DNAH3: variants seen among roughly 807,000 people sequenced by gnomAD.
DNAH3 encodes the protein dynein axonemal heavy chain 3.
DNAH3 carries 332 observed loss-of-function variants against 432.5 expected under a neutral mutation model. That is an observed-to-expected ratio of 0.77 (90% CI 0.70 to 0.84). The LOEUF (loss-of-function observed/expected upper bound fraction) is 0.84, where lower values mean the gene tolerates loss of function less well. DNAH3 is among the 40% of genes least tolerant of loss of function. DNAH3 has a pLI of 0.00. For missense variants in DNAH3, 4,861 were observed against 5,114.0 expected (o/e 0.95, Z 1.51); for synonymous variants, 1,956 against 1,900.2 (o/e 1.03, Z -0.76).
At chr16:21,067,772 G>GGAGGGAGA in intron 23 of DNAH3, among the ~76,000 whole-genome samples, 1 of 23,718 alleles carries the variant, frequency 4.2e-5, no homozygotes, top group South Asian at 2.3e-3. Flanking sequence ...GGGGGGGTGG[G>GGAGGGAGA]GAGGGAGAGA....
At chr16:21,065,621 T>C (rs573350784) in intron 24 of DNAH3, among the ~76,000 whole-genome samples, 82 of 152,292 alleles carry the variant, frequency 5.4e-4, no homozygotes, top group Middle Eastern at 3.4e-3. Flanking sequence ...ATTAGCCCCA[T>C]GTGGCTATTT....
chr16:21,062,187 C>A (rs2090382496), intron 25 of DNAH3, among the ~76,000 whole-genome samples: 4 of 152,206 alleles, frequency 2.6e-5, no homozygotes, highest in Non-Finnish European at 5.9e-5. Context: ...ACATGGAAAT[C>A]TAAACAGCAT....
intron 59 of DNAH3, among the ~76,000 whole-genome samples, chr16:20,938,235 T>C (rs910717056): frequency 1.3e-5 from 2 of 151,946 alleles, no homozygotes; most frequent in African/African-American, 2.4e-5. Context: ...GTACTAAAAA[T>C]ACAAAATTAG....
intron 26 of DNAH3, among the ~76,000 whole-genome samples, chr16:21,058,633 G>T (rs555885687): frequency 6.6e-6 from 1 of 152,066 alleles, no homozygotes; most frequent in Non-Finnish European, 1.5e-5. Flanking sequence ...CATAAATAAA[G>T]TTGTATTGAA....
exon 62 of DNAH3, chr16:20,933,242 T>G (rs757256186): frequency 6.2e-7 from 1 of 1,614,164 alleles, no homozygotes; most frequent in Non-Finnish European, 8.5e-7. Context: ...GGAGAGGACA[T>G]AGTTGGTAGA....
rs553981980 is a variant in DNAH3, at chr16:21,145,666, T to C, written c.223-260A>G. 6.6e-5 allele frequency among the ~76,000 whole-genome samples: 10 copies of C among 152,338 alleles called. No individual in the cohort carries two copies. The South Asian group carries it at 2.1e-3, about 32-fold the overall frequency. On this transcript the variant is annotated intron_variant, in intron 2 of 61. Coordinates refer to ENST00000261383, the Ensembl canonical transcript of DNAH3. ...GGTAATTGACATCTCTGGTCTTTAT[T>C]CCTTATGGACATGACTACAAGGTAC...
At chr16:21,019,955 G>C (rs2088074480) in intron 40 of DNAH3, 86 bp from the exon 41 acceptor site, 1 of 1,522,048 alleles carries the variant, frequency 6.6e-7, no homozygotes, top group Non-Finnish European at 8.9e-7. Context: ...TGCCTTTGAA[G>C]GGTCTGGGCC....
At chr16:20,950,888 T>C (rs548568934) in intron 56 of DNAH3, among the ~76,000 whole-genome samples, 1 of 152,256 alleles carries the variant, frequency 6.6e-6, no homozygotes, top group African/African-American at 2.4e-5. Context: ...AGTGGTGTGA[T>C]CATAGCTCAC....
Position 21,141,191 on chromosome 16 carries a change from T to C in DNAH3, c.521+109A>G, listed in dbSNP as rs1317157338. ...AGTGATTCGTGGATAAGAATATGAT[T>C]ATCTGGGAATGCTTTGAAGCCAAGA... is the stretch of plus-strand genomic sequence containing the variant. On this transcript the variant is annotated intron_variant, in intron 4 of 61. Transcript: ENST00000261383. The C allele has an allele frequency of 5.0e-6, 4 of 807,760 alleles. No homozygotes were observed. In the East Asian group the frequency reaches 1.1e-4, roughly 22 times the overall value. 50.0% of individuals were successfully genotyped at this position (807,760 alleles called of 1,614,324 possible).
intron 27 of DNAH3, 107 bp downstream of exon 27, chr16:21,057,979 A>G (rs2090193832): frequency 1.3e-6 from 1 of 755,914 alleles, no homozygotes; most frequent in Non-Finnish European, 2.4e-6. Flanking sequence ...TGCTGAGACC[A>G]AATGATTTTT....
chr16:20,936,690 C>A (rs773318051), exon 60 of DNAH3: 2 of 1,606,862 alleles, frequency 1.2e-6, no homozygotes, highest in Non-Finnish European at 1.7e-6. Flanking sequence ...GCCACGTAGC[C>A]CCCCAGAGGC....
intron 16 of DNAH3, among the ~76,000 whole-genome samples, chr16:21,102,407 G>GA (rs1481504613): frequency 6.6e-6 from 1 of 152,166 alleles, no homozygotes; most frequent in African/African-American, 2.4e-5. Context: ...TGATGCCTTG[G>GA]AAGTTGAGAA....
intron 59 of DNAH3, 127 bp downstream of exon 59, chr16:20,941,274 T>C: frequency 1.8e-6 from 2 of 1,105,736 alleles, no homozygotes; most frequent in Non-Finnish European, 2.6e-6. Context: ...ACAGCCCCTA[T>C]TCACACCCCT....
At chr16:21,155,615 C>G (rs2092892834) in intron 1 of DNAH3, among the ~76,000 whole-genome samples, 1 of 125,326 alleles carries the variant, frequency 8.0e-6, no homozygotes, top group East Asian at 2.3e-4. Context: ...GAGCAAGACT[C>G]CGTCTCAAAA....
chr16:21,026,314 T>A lies in DNAH3; in HGVS notation c.5540+713A>T, dbSNP rs557541778. 7.2e-5 allele frequency among the ~76,000 whole-genome samples: 11 copies of A among 152,276 alleles called. No homozygotes were observed. In the South Asian group the frequency reaches 2.3e-3, roughly 32 times the overall value. ...AAATCTAAATGAATGACAAATAATA[T>A]AATGCTAAGCAAATTAACGCAGGAA... On this transcript the variant is annotated intron_variant, in intron 38 of 61. Coordinates refer to ENST00000261383, the Ensembl canonical transcript of DNAH3.
rs373480681 is a variant in DNAH3 at position 20,947,648 on chromosome 16, C to T, written c.11343+835G>A. Among the ~76,000 whole-genome samples the T allele has an allele frequency of 4.3e-4, 66 of 152,300 alleles. No homozygotes were observed. The East Asian group carries it at 0.011, about 26-fold the overall frequency. On this transcript the variant is annotated intron_variant, in intron 57 of 61. Coordinates refer to ENST00000261383, the Ensembl canonical transcript of DNAH3. ...TAATGTGTGGGGAAGGGGTAACCTC[C>T]ACACATTTGGTCACAGAAGTCTTCT... is the stretch of plus-strand genomic sequence containing the variant.
At chr16:21,141,450 C>A in intron 3 of DNAH3, 78 bp from the exon 5 acceptor site, 1 of 1,078,758 alleles carries the variant, frequency 9.3e-7, no homozygotes, top group South Asian at 1.4e-5. Flanking sequence ...GCATGACTCT[C>A]GGAACAGTCC....
chr16:21,142,393 G>GCATA (rs1487016504), intron 3 of DNAH3, among the ~76,000 whole-genome samples: 5 of 151,738 alleles, frequency 3.3e-5, no homozygotes, highest in African/African-American at 1.2e-4. Context: ...ATACATACAT[G>GCATA]CATACATACA....
exon 48 of DNAH3, chr16:20,985,661 G>T: frequency 6.2e-7 from 1 of 1,614,166 alleles, no homozygotes; most frequent in Non-Finnish European, 8.5e-7. Context: ...CCAAAGAAGA[G>T]GCTTCGAATG....
Sources: gnomAD v4.1 joint callset for allele counts (sites outside exome capture counted in the v4.1 genomes callset) on GRCh38, gnomAD v4.1.1 for gene constraint, MANE v1.5 for transcripts, NCBI Gene and HGNC (gene_info 2026-07-23, HGNC 2026-07-21) for gene names.